Variants in DACH1 observed in about 807,000 individuals in gnomAD.
DACH1 encodes dachshund homolog 1.
In DACH1, 12 loss-of-function variants were observed where a neutral mutation model predicts 54.2. The observed-to-expected ratio is 0.22, with a 90% CI of 0.14 to 0.36. The LOEUF is 0.36. DACH1 is among the 10% of genes least tolerant of loss of function. DACH1 has a pLI of 1.00. For missense variants in DACH1, 805 were observed against 929.8 expected, an observed-to-expected ratio of 0.87 and a Z score of 1.75; for synonymous variants, 386 against 366.2, an observed-to-expected ratio of 1.05 and a Z score of -0.62.
intron 3 of DACH1, among the ~76,000 whole-genome samples, chr13:71,598,616 T>G (rs1362316017): frequency 6.6e-6 from 1 of 152,192 alleles, no homozygotes; most frequent in East Asian, 1.9e-4. Flanking sequence ...AAACCACTCA[T>G]GATTTACATC....
At chr13:71,597,436 T>C (rs1233362777) in intron 3 of DACH1, among the ~76,000 whole-genome samples, 2 of 152,218 alleles carry the variant, frequency 1.3e-5, no homozygotes, top group Non-Finnish European at 2.9e-5. Context: ...TTTTACACAG[T>C]AGTGTTATAC....
intron 1 of DACH1, among the ~76,000 whole-genome samples, chr13:71,727,515 A>C (rs1250307395): frequency 6.6e-6 from 1 of 152,134 alleles, no homozygotes; most frequent in East Asian, 1.9e-4. Context: ...TTTGCTAATA[A>C]TATGGCATTG....
At chr13:71,838,177 A>T (rs1195821172) in intron 1 of DACH1, among the ~76,000 whole-genome samples, 2 of 152,170 alleles carry the variant, frequency 1.3e-5, no homozygotes, top group Non-Finnish European at 2.9e-5. Flanking sequence ...CTCGATTCCT[A>T]TTGCCCCCAG....
intron 6 of DACH1, among the ~76,000 whole-genome samples, chr13:71,538,928 A>G (rs1434912317): frequency 6.6e-6 from 1 of 152,056 alleles, no homozygotes; most frequent in Non-Finnish European, 1.5e-5. Context: ...TTCAGAGTTT[A>G]TTTTAGGCAG....
chr13:71,693,596 GCGTGAGCCAC>G (rs1881650814), intron 1 of DACH1, among the ~76,000 whole-genome samples: 1 of 151,736 alleles, frequency 6.6e-6, no homozygotes, highest in Admixed American at 6.6e-5. Flanking sequence ...GGGATTACAG[GCGTGAGCCAC>G]CGCGCCCGGC....
rs779956154 is a variant in DACH1, at chr13:71,477,147, G to A, written c.1871-1298C>T. Among the ~76,000 whole-genome samples, 339 of 102,030 alleles carry A rather than the reference G, an allele frequency of 3.3e-3. 2 individuals carry two copies. In the Middle Eastern group the frequency reaches 0.054, roughly 16 times the overall value. 66.9% of individuals were successfully genotyped at this position (102,030 alleles called of 152,430 possible). The stretch of plus-strand genomic sequence containing the variant: ...TTTTTTTTTTTTGAGACGGAGTCTC[G>A]CTCTGTTGCCCAGCCCAGGCTGGAG... On this transcript the variant is annotated intron_variant, in intron 8 of 10. Coordinates refer to ENST00000613252, the MANE Select transcript of DACH1 (RefSeq NM_080759.6).
chr13:71,704,498 T>C (rs926364080), intron 1 of DACH1: 6 of 357,654 alleles, frequency 1.7e-5, no homozygotes, highest in Non-Finnish European at 3.3e-5. Flanking sequence ...CTGAAATGTG[T>C]GAAGGAAAGT....
chr13:71,640,606 T>C (rs1566399321), intron 2 of DACH1, among the ~76,000 whole-genome samples: 1 of 152,084 alleles, frequency 6.6e-6, no homozygotes, highest in Non-Finnish European at 1.5e-5. Context: ...TCTTTTTCAA[T>C]TATTTAATAA....
At chr13:71,794,139 C>A (rs1458653020) in intron 1 of DACH1, among the ~76,000 whole-genome samples, 1 of 151,974 alleles carries the variant, frequency 6.6e-6, no homozygotes, top group Non-Finnish European at 1.5e-5. Context: ...AGATATTTAC[C>A]CAGCCTGTCC....
At chr13:71,593,479 C>T (rs1873875559) in intron 3 of DACH1, among the ~76,000 whole-genome samples, 1 of 152,116 alleles carries the variant, frequency 6.6e-6, no homozygotes, top group South Asian at 2.1e-4. Flanking sequence ...GAAAGCCACA[C>T]ATTCTGGGTA....
At chr13:71,490,171 T>C (rs1163225183) in intron 6 of DACH1, among the ~76,000 whole-genome samples, 2 of 152,192 alleles carry the variant, frequency 1.3e-5, no homozygotes, top group Non-Finnish European at 2.9e-5. Context: ...CGATAGTATC[T>C]CTCAATTTTG....
At chr13:71,626,751 G>A (rs561241232) in intron 3 of DACH1, among the ~76,000 whole-genome samples, 1 of 152,020 alleles carries the variant, frequency 6.6e-6, no homozygotes, top group East Asian at 1.9e-4. Flanking sequence ...TATTTCTATG[G>A]CCAAATGAAG....
At chr13:71,858,826 T>C (rs1474465555) in intron 1 of DACH1, among the ~76,000 whole-genome samples, 1 of 151,708 alleles carries the variant, frequency 6.6e-6, no homozygotes, top group Non-Finnish European at 1.5e-5. Flanking sequence ...AGGTATTGTA[T>C]TCAACCTGTA....
At position 71,735,402 on chromosome 13, in the gene DACH1, C is replaced by T. The variant is rs111216621; in HGVS notation, c.849-53492G>A. Reference sequence around the variant, plus strand: ...CGTGTATATGGGATATACACGTATACGGGATATACACGTATATGGGATATA... The same window carrying T: ...CGTGTATATGGGATATACACGTATATGGGATATACACGTATATGGGATATA... On this transcript the variant is annotated intron_variant, in intron 1 of 10. Transcript: ENST00000613252. 1.6e-3 allele frequency among the ~76,000 whole-genome samples: 21 copies of T among 13,474 alleles called. 1 individual carries two copies. Among genetic ancestry groups the T allele is most frequent in the African/African-American group, 2.6e-3 (18 of 6,896 alleles). The allele number at this position is 13,474 out of a possible 152,430, so 8.8% of individuals were successfully genotyped here. A position where few individuals can be genotyped will look rare whatever the true frequency, so the allele number is the denominator to read the frequency against.
intron 7 of DACH1, among the ~76,000 whole-genome samples, chr13:71,481,897 A>C (rs949213213): frequency 1.4e-4 from 21 of 152,212 alleles, no homozygotes; most frequent in Non-Finnish European, 2.8e-4. Context: ...CAGGTTGATC[A>C]CGTGCAAACG....
At chr13:71,718,500 A>G (rs1179929774) in intron 1 of DACH1, among the ~76,000 whole-genome samples, 2 of 150,546 alleles carry the variant, frequency 1.3e-5, no homozygotes, top group Non-Finnish European at 3.0e-5. Context: ...TACTTGTGTC[A>G]GGGAAATCCA....
intron 1 of DACH1, among the ~76,000 whole-genome samples, chr13:71,709,976 T>C (rs1376240247): frequency 6.6e-6 from 1 of 152,132 alleles, no homozygotes; most frequent in Non-Finnish European, 1.5e-5. Flanking sequence ...ACCTCCCTAA[T>C]AGCTGAGACT....
chr13:71,554,866 T>C (rs1884138396), intron 6 of DACH1, among the ~76,000 whole-genome samples: 1 of 152,170 alleles, frequency 6.6e-6, no homozygotes, highest in Admixed American at 6.6e-5. Context: ...AGTAGAGAGA[T>C]TGAAATCTTG....
chr13:71,585,538 CAG>C (rs1873183243), intron 3 of DACH1, among the ~76,000 whole-genome samples: 1 of 152,092 alleles, frequency 6.6e-6, no homozygotes, highest in South Asian at 2.1e-4. Flanking sequence ...ACACCCAGTT[CAG>C]AGAGTTGCCT....
Sources: gnomAD v4.1 joint callset for allele counts (sites outside exome capture counted in the v4.1 genomes callset) on GRCh38, gnomAD v4.1.1 for gene constraint, MANE v1.5 for transcripts, NCBI Gene and HGNC (gene_info 2026-07-23, HGNC 2026-07-21) for gene names.